The following FSTL4 variants were observed in gnomAD, a reference collection of about 807,000 sequenced individuals.
FSTL4 encodes follistatin-related protein 4.
A neutral mutation model predicts 78.2 loss-of-function variants in FSTL4; 28 were observed. That is an observed-to-expected ratio of 0.36 (90% CI 0.27 to 0.49). FSTL4 has a LOEUF of 0.49. Among genes scored for constraint, FSTL4 ranks in the 20% least tolerant of loss-of-function variants. FSTL4 has a pLI of 0.98. For missense variants in FSTL4, 922 were observed against 1,084.9 expected (o/e 0.85, Z 2.11); for synonymous variants, 422 against 440.5 (o/e 0.96, Z 0.53).
chr5:133,535,610 G>C (rs1759337131), intron 3 of FSTL4, among the ~76,000 whole-genome samples: 1 of 152,202 alleles, frequency 6.6e-6, no homozygotes, highest in African/African-American at 2.4e-5. Flanking sequence ...AGGGCTCTCA[G>C]CTCTGAAGGC....
chr5:133,486,417 G>A (rs61397092), intron 3 of FSTL4, among the ~76,000 whole-genome samples: 10,489 of 148,328 alleles, frequency 0.071, 1,209 homozygotes, highest in African/African-American at 0.25. Flanking sequence ...AGAGGAGGGG[G>A]GATTGATTTC....
Position 133,220,826 on chromosome 5 carries a change from G to A in FSTL4, c.1380C>T (p.Asp460=), listed in dbSNP as rs141735817. 83 of 1,612,140 alleles carry A rather than the reference G, an allele frequency of 5.1e-5. No homozygotes were observed. The highest frequency in any genetic ancestry group is 4.5e-5 in the East Asian group (2 of 44,886). The part of the protein sequence containing the change: ...VGNMFYVFSD[D]GIIVIHPVDC... Reference sequence around the variant, plus strand: ...CCACAGGATGGATGACGATGATACCGTCGTCGGAGAAGACATAGAACATGT... The same window carrying A: ...CCACAGGATGGATGACGATGATACCATCGTCGGAGAAGACATAGAACATGT... Residue 460 remains aspartate, a synonymous_variant, in exon 12 of 16, where the codon GAC becomes GAT. Coordinates refer to ENST00000265342, the MANE Select transcript of FSTL4 (RefSeq NM_015082.2).
At position 133,466,496 on chromosome 5, in the gene FSTL4, A is replaced by C. The variant is rs186596227; in HGVS notation, c.161-65510T>G. ...GGCGGAGCTTGCAGTGAGCCGAGAT[A>C]GCGCCACTGCAGTCCGGCCTGGGCG... is the stretch of plus-strand genomic sequence containing the variant. On this transcript the variant is annotated intron_variant, in intron 3 of 15. Transcript: ENST00000265342. Among the ~76,000 whole-genome samples the C allele has an allele frequency of 2.0e-3, 309 of 151,956 alleles. 2 individuals are homozygous for C. Among genetic ancestry groups the C allele is most frequent in the African/African-American group, 7.0e-3 (292 of 41,444 alleles).
chr5:133,227,020 A>T (rs1751354721), intron 8 of FSTL4, among the ~76,000 whole-genome samples: 1 of 152,174 alleles, frequency 6.6e-6, no homozygotes, highest in Non-Finnish European at 1.5e-5. Context: ...TAATTCCATC[A>T]ACTCAGTCTG....
chr5:133,655,976 C>T, the FSTL4 span, among the ~76,000 whole-genome samples: 1 of 152,158 alleles, frequency 6.6e-6, no homozygotes, highest in Non-Finnish European at 1.5e-5. Context: ...GCTTTTACTC[C>T]AGGCAATTTG....
the FSTL4 span, among the ~76,000 whole-genome samples, chr5:133,684,640 A>T: frequency 1.3e-5 from 2 of 152,200 alleles, no homozygotes; most frequent in Non-Finnish European, 2.9e-5. Context: ...GTATCCAGGG[A>T]CTCATCATTG....
At chr5:133,288,158 T>C (rs995426417) in intron 6 of FSTL4, among the ~76,000 whole-genome samples, 1 of 152,238 alleles carries the variant, frequency 6.6e-6, no homozygotes, top group African/African-American at 2.4e-5. Flanking sequence ...TTTTAAAAAA[T>C]GATTAATGTA....
the FSTL4 span, among the ~76,000 whole-genome samples, chr5:133,675,132 C>A: frequency 6.6e-6 from 1 of 151,990 alleles, no homozygotes; most frequent in Admixed American, 6.6e-5. Flanking sequence ...GAAGGCCTCT[C>A]CGAGAAAATG....
chr5:133,744,011 C>T, the FSTL4 span, among the ~76,000 whole-genome samples: 5 of 152,210 alleles, frequency 3.3e-5, no homozygotes, highest in Admixed American at 6.5e-5. Flanking sequence ...TGGCAGCCAG[C>T]GGAGGCCCAT....
chr5:133,416,423 A>G (rs1261977519), intron 3 of FSTL4, among the ~76,000 whole-genome samples: 1 of 152,234 alleles, frequency 6.6e-6, no homozygotes, highest in African/African-American at 2.4e-5. Context: ...TCACAGTACT[A>G]GTTAATTCTG....
chr5:133,716,509 T>A, the FSTL4 span, among the ~76,000 whole-genome samples: 1 of 152,148 alleles, frequency 6.6e-6, no homozygotes, highest in African/African-American at 2.4e-5. Context: ...TTAAACTGTG[T>A]TTTAAGCTTC....
chr5:133,341,562 C>T (rs1754582752), intron 4 of FSTL4, among the ~76,000 whole-genome samples: 3 of 152,114 alleles, frequency 2.0e-5, no homozygotes, highest in Admixed American at 1.3e-4. Flanking sequence ...AGGAACCCTT[C>T]CCCCTCTCTG....
chr5:133,697,105 G>A, the FSTL4 span, among the ~76,000 whole-genome samples: 1 of 152,210 alleles, frequency 6.6e-6, no homozygotes, highest in Admixed American at 6.5e-5. Context: ...CATCTTTTGT[G>A]TGGTGCTCCT....
At chr5:133,745,721 C>T in the FSTL4 span, among the ~76,000 whole-genome samples, 2 of 152,226 alleles carry the variant, frequency 1.3e-5, no homozygotes, top group African/African-American at 4.8e-5. Context: ...AACTTCCATT[C>T]CATTTGCTAA....
chr5:133,286,333 C>G (rs1753128740), intron 6 of FSTL4, among the ~76,000 whole-genome samples: 1 of 152,172 alleles, frequency 6.6e-6, no homozygotes, highest in Non-Finnish European at 1.5e-5. Context: ...TTGCTAGGTA[C>G]TAACAGAGAG....
the FSTL4 span, among the ~76,000 whole-genome samples, chr5:133,711,685 G>A: frequency 6.6e-6 from 1 of 152,220 alleles, no homozygotes; most frequent in South Asian, 2.1e-4. Flanking sequence ...CTGATCTGAT[G>A]TAGTTTTCTA....
intron 3 of FSTL4, among the ~76,000 whole-genome samples, chr5:133,541,829 T>A (rs1759478287): frequency 6.6e-6 from 1 of 152,030 alleles, no homozygotes; most frequent in South Asian, 2.1e-4. Flanking sequence ...GAAGCTTAGT[T>A]CCCTTCAGTG....
At chr5:133,485,917 T>C (rs752344037) in intron 3 of FSTL4, among the ~76,000 whole-genome samples, 28 of 152,176 alleles carry the variant, frequency 1.8e-4, no homozygotes, top group Non-Finnish European at 3.2e-4. Flanking sequence ...AAACTCTCCT[T>C]CAAGTGGCAA....
At chr5:133,761,360 T>C in the FSTL4 span, among the ~76,000 whole-genome samples, 2 of 152,208 alleles carry the variant, frequency 1.3e-5, no homozygotes, top group East Asian at 3.8e-4. Context: ...AGGCCAATTC[T>C]TGTTATAATA....
Sources: gnomAD v4.1 joint callset for allele counts (sites outside exome capture counted in the v4.1 genomes callset) on GRCh38, gnomAD v4.1.1 for gene constraint, MANE v1.5 for transcripts, NCBI Gene and HGNC (gene_info 2026-07-23, HGNC 2026-07-21) for gene names.